Variants in LHFPL4 observed in about 807,000 individuals in gnomAD.
LHFPL4 encodes the protein LHFPL tetraspan subfamily member 4.
A neutral mutation model predicts 20.0 loss-of-function variants in LHFPL4; 6 were observed. The observed-to-expected ratio is 0.30, with a 90% CI of 0.16 to 0.59. The LOEUF (loss-of-function observed/expected upper bound fraction) is 0.59, where lower values mean the gene tolerates loss of function less well. LHFPL4 is among the 20% of genes least tolerant of loss of function. LHFPL4 has a pLI of 0.88. For missense variants in LHFPL4, 215 were observed against 331.2 expected (o/e 0.65, Z 2.72); for synonymous variants, 129 against 143.8 (o/e 0.90, Z 0.74).
chr3:9,540,812 G>A (rs982185134), intron 2 of LHFPL4, among the ~76,000 whole-genome samples: 2 of 151,414 alleles, frequency 1.3e-5, no homozygotes, highest in Non-Finnish European at 2.9e-5. Context: ...GAGGTGGGAG[G>A]ATCAGTTGAG....
intron 3 of LHFPL4, among the ~76,000 whole-genome samples, chr3:9,504,089 A>G (rs1325957020): frequency 1.3e-5 from 2 of 151,952 alleles, no homozygotes; most frequent in Non-Finnish European, 2.9e-5. Flanking sequence ...ACTATAACTC[A>G]GCCGGGTGTG....
intron 2 of LHFPL4, among the ~76,000 whole-genome samples, chr3:9,515,834 C>A (rs899304213): frequency 6.6e-6 from 1 of 151,874 alleles, no homozygotes; most frequent in African/African-American, 2.4e-5. Context: ...TCTGCCTCAG[C>A]CTCCCATGTA....
intron 2 of LHFPL4, among the ~76,000 whole-genome samples, chr3:9,543,369 C>T (rs543425344): frequency 2.2e-4 from 33 of 152,018 alleles, no homozygotes; most frequent in Non-Finnish European, 3.2e-4. Flanking sequence ...GGCGTGGTGG[C>T]GGGCGCCTGT....
chr3:9,520,613 A>C (rs1186289504), intron 2 of LHFPL4, among the ~76,000 whole-genome samples: 1 of 152,044 alleles, frequency 6.6e-6, no homozygotes, highest in Non-Finnish European at 1.5e-5. Context: ...CAAAGTGCTG[A>C]AATTACAGGT....
In LHFPL4 at chr3:9,498,423, G is replaced by C. The variant is rs2046146102; in HGVS notation, c.*3788C>G. The C allele has an allele frequency of 6.6e-6, 1 of 152,604 alleles. No individual in the cohort carries two copies. The allele number at this position is 152,604 out of a possible 1,614,324, so 9.5% of individuals were successfully genotyped here. ...CCACCTGCACTGAAGCTTAAACCCAGCAGCAGCAGAAGGGGTCAGGACCAA... is the reference window on the plus strand; with the variant it reads ...CCACCTGCACTGAAGCTTAAACCCACCAGCAGCAGAAGGGGTCAGGACCAA... On this transcript the variant is annotated 3_prime_UTR_variant, in exon 4 of 4. Transcript: ENST00000287585.
At chr3:9,502,374 A>G in intron 3 of LHFPL4, 63 bp from the exon 4 acceptor site, 1 of 1,261,250 alleles carries the variant, frequency 7.9e-7, no homozygotes, top group Non-Finnish European at 1.1e-6. Flanking sequence ...CTGCCTGGGC[A>G]TTCAGGCTTT....
At position 9,542,993 on chromosome 3, in the gene LHFPL4, C is replaced by A. The variant is rs921158933; in HGVS notation, c.406+9281G>T. Among the ~76,000 whole-genome samples, 9 of 151,922 alleles carry A rather than the reference C, an allele frequency of 5.9e-5. No individual in the cohort carries two copies. In the East Asian group the frequency reaches 7.7e-4, roughly 13 times the overall value. On this transcript the variant is annotated intron_variant, in intron 2 of 3. Coordinates refer to ENST00000287585, the MANE Select transcript of LHFPL4 (RefSeq NM_198560.3). The stretch of plus-strand genomic sequence containing the variant: ...TTCTTTCTGAGATAATGAAAAATAT[C>A]CTAAAACTGGTTGTGGTCATGGTTG...
intron 2 of LHFPL4, among the ~76,000 whole-genome samples, chr3:9,521,887 T>C (rs1363473600): frequency 6.6e-6 from 1 of 152,130 alleles, no homozygotes; most frequent in Non-Finnish European, 1.5e-5. Flanking sequence ...TCAAAATGAT[T>C]ATTGCTATAG....
chr3:9,503,145 T>C (rs1489623791), intron 3 of LHFPL4, among the ~76,000 whole-genome samples: 1 of 152,124 alleles, frequency 6.6e-6, no homozygotes, highest in Non-Finnish European at 1.5e-5. Flanking sequence ...CGGAGGTCTT[T>C]GGGTTAAAAC....
chr3:9,527,163 G>A (rs966916258), intron 2 of LHFPL4, among the ~76,000 whole-genome samples: 16 of 150,024 alleles, frequency 1.1e-4, no homozygotes, highest in African/African-American at 3.9e-4. Flanking sequence ...TAGAAATGAA[G>A]TTTATAAGAG....
intron 2 of LHFPL4, among the ~76,000 whole-genome samples, chr3:9,527,761 T>A (rs553641767): frequency 3.3e-5 from 5 of 151,492 alleles, no homozygotes; most frequent in South Asian, 2.1e-4. Flanking sequence ...ATAATTTTTT[T>A]AAAAACCCAG....
intron 2 of LHFPL4, among the ~76,000 whole-genome samples, chr3:9,509,885 T>C (rs1405601973): frequency 6.6e-6 from 1 of 152,224 alleles, no homozygotes; most frequent in Non-Finnish European, 1.5e-5. Context: ...GGGTTCAGTG[T>C]TCCCATTTGC....
chr3:9,512,432 G>A (rs2046267373), intron 2 of LHFPL4, among the ~76,000 whole-genome samples: 1 of 152,312 alleles, frequency 6.6e-6, no homozygotes, highest in East Asian at 1.9e-4. Context: ...AAATAATCCT[G>A]AACAAAGGAC....
At chr3:9,503,974 T>C (rs557185867) in intron 3 of LHFPL4, among the ~76,000 whole-genome samples, 352 of 151,898 alleles carry the variant, frequency 2.3e-3, no homozygotes, top group Non-Finnish European at 3.6e-3. Flanking sequence ...TGCAGTGAGC[T>C]ATGATTGCAC....
intron 2 of LHFPL4, among the ~76,000 whole-genome samples, chr3:9,531,243 C>G (rs1350260085): frequency 6.6e-6 from 1 of 152,190 alleles, no homozygotes; most frequent in East Asian, 1.9e-4. Context: ...AAATGTGACA[C>G]AGAGCCACGA....
chr3:9,518,925 G>GTTTATTTATTTATTTATTTA (rs111239616), intron 2 of LHFPL4, among the ~76,000 whole-genome samples: 268 of 145,142 alleles, frequency 1.8e-3, no homozygotes, highest in Non-Finnish European at 2.4e-3. Flanking sequence ...GCTAATTTTT[G>GTTTATTTATTTATTTATTTA]TTTATTTATT....
intron 2 of LHFPL4, among the ~76,000 whole-genome samples, chr3:9,535,572 T>TTTTTTTTTTTTTTTTTTTTTTGAGACGG (rs1271718352): frequency 6.6e-6 from 1 of 152,052 alleles, no homozygotes; most frequent in Non-Finnish European, 1.5e-5. Context: ...TGATAATTTT[T>TTTTTTTTTTTTTTTTTTTTTTGAGACGG]AAAAAGCAAT....
At chr3:9,507,193 G>T (rs1164748355) in intron 2 of LHFPL4, among the ~76,000 whole-genome samples, 2 of 152,192 alleles carry the variant, frequency 1.3e-5, no homozygotes, top group African/African-American at 2.4e-5. Flanking sequence ...AGGCACTCAG[G>T]TAGCATTTAT....
Position 9,521,452 on chromosome 3 carries a change from A to T in LHFPL4, c.407-15249T>A, listed in dbSNP as rs184426070. Reference sequence around the variant, plus strand: ...AGTCTCACTCTGCTGCTGGGGCTGGAGTGCAGTGGCACGATCTCAGCTCAC... The same window carrying T: ...AGTCTCACTCTGCTGCTGGGGCTGGTGTGCAGTGGCACGATCTCAGCTCAC... On this transcript the variant is annotated intron_variant, in intron 2 of 3. Transcript: ENST00000287585. Among the ~76,000 whole-genome samples the T allele has an allele frequency of 6.6e-3, 995 of 150,586 alleles. 13 individuals are homozygous for T. Among genetic ancestry groups the T allele is most frequent in the Middle Eastern group, 0.027 (8 of 292 alleles).
Sources: allele counts gnomAD v4.1 joint callset (sites outside exome capture counted in the v4.1 genomes callset), GRCh38; gene constraint gnomAD v4.1.1; transcripts MANE v1.5; gene names NCBI Gene and HGNC (gene_info 2026-07-23, HGNC 2026-07-21).